The following PRKCA variants were observed in gnomAD, a reference collection of about 807,000 sequenced individuals.
PRKCA encodes the protein protein kinase C alpha, also known as protein kinase C alpha type.
PRKCA carries 27 observed loss-of-function variants against 87.0 expected under a neutral mutation model. The ratio of observed to expected loss-of-function variants is 0.31; its 90% confidence interval spans 0.23 to 0.43. The LOEUF (loss-of-function observed/expected upper bound fraction) is 0.43, where lower values mean the gene tolerates loss of function less well. Ranked by LOEUF, PRKCA falls within the 20% of genes least tolerant of loss-of-function variation. PRKCA has a pLI of 1.00. For synonymous variants in PRKCA, 329 were observed against 311.1 expected, an observed-to-expected ratio of 1.06 and a Z score of -0.61; for missense variants, 518 against 852.3, an observed-to-expected ratio of 0.61 and a Z score of 4.88.
At chr17:66,405,527 G>A (rs1659098551) in intron 2 of PRKCA, among the ~76,000 whole-genome samples, 1 of 152,060 alleles carries the variant, frequency 6.6e-6, no homozygotes, top group Non-Finnish European at 1.5e-5. Flanking sequence ...GTTTTCTGTT[G>A]CTGCATATTC....
At chr17:66,364,416 A>T (rs572890643) in intron 2 of PRKCA, 1 of 152,218 alleles carries the variant, frequency 6.6e-6, no homozygotes, top group African/African-American at 2.4e-5. Flanking sequence ...CCAGAGGCAT[A>T]AAACCAAAGG....
At chr17:66,642,535 T>G (rs1194355085) in intron 4 of PRKCA, among the ~76,000 whole-genome samples, 2 of 152,214 alleles carry the variant, frequency 1.3e-5, no homozygotes, top group African/African-American at 4.8e-5. Context: ...GTTTTTCTAA[T>G]AGATCGGGAA....
chr17:66,408,780 G>A (rs575986441), intron 2 of PRKCA, among the ~76,000 whole-genome samples: 4 of 152,164 alleles, frequency 2.6e-5, no homozygotes, highest in Non-Finnish European at 4.4e-5. Context: ...TCGGCCGGGC[G>A]CGGTGGCTTG....
chr17:66,430,399 G>GGCA (rs1913039825), intron 2 of PRKCA, among the ~76,000 whole-genome samples: 1 of 151,714 alleles, frequency 6.6e-6, no homozygotes, highest in Admixed American at 6.6e-5. Flanking sequence ...GCCAGTATCT[G>GGCA]GAGTCATGGC....
intron 2 of PRKCA, among the ~76,000 whole-genome samples, chr17:66,435,747 C>CT (rs1438345538): frequency 6.6e-6 from 1 of 152,072 alleles, no homozygotes; most frequent in Admixed American, 6.6e-5. Flanking sequence ...GCATGGAGGA[C>CT]TTTTTGGGGG....
chr17:66,319,767 A>C (rs1905539298), intron 2 of PRKCA, among the ~76,000 whole-genome samples: 2 of 151,736 alleles, frequency 1.3e-5, no homozygotes, highest in African/African-American at 4.8e-5. Context: ...TTTGAGACAG[A>C]GTCTTGCTCT....
chr17:66,512,457 AGTGTGTGT>A (rs71160573), intron 3 of PRKCA, among the ~76,000 whole-genome samples: 34,983 of 144,304 alleles, frequency 0.24, 4,733 homozygotes, highest in Non-Finnish European at 0.31. Flanking sequence ...CAACAAAAAA[AGTGTGTGT>A]GTGTGTGTGT....
intron 2 of PRKCA, among the ~76,000 whole-genome samples, chr17:66,344,132 G>A (rs1325534048): frequency 6.6e-6 from 1 of 152,068 alleles, no homozygotes; most frequent in Non-Finnish European, 1.5e-5. Flanking sequence ...ATTGTCATAG[G>A]CTCGTAAAGC....
intron 8 of PRKCA, among the ~76,000 whole-genome samples, chr17:66,718,764 T>C (rs776257521): frequency 2.0e-5 from 3 of 152,200 alleles, no homozygotes; most frequent in Non-Finnish European, 2.9e-5. Context: ...GGGAGACACA[T>C]TCAAACCATA....
intron 3 of PRKCA, among the ~76,000 whole-genome samples, chr17:66,504,971 C>T (rs912427900): frequency 2.0e-5 from 3 of 152,138 alleles, no homozygotes; most frequent in African/African-American, 4.8e-5. Context: ...TCTGAGGAAG[C>T]CCGAGTCCAT....
At chr17:66,563,952 TTCC>T (rs1968794880) in intron 3 of PRKCA, among the ~76,000 whole-genome samples, 1 of 8,072 alleles carries the variant, frequency 1.2e-4, no homozygotes, top group South Asian at 6.0e-3. Flanking sequence ...TGTTTCTTCT[TTCC>T]TTCCTTCCTT....
chr17:66,621,407 G>C (rs539047057), intron 3 of PRKCA, among the ~76,000 whole-genome samples: 1 of 151,992 alleles, frequency 6.6e-6, no homozygotes, highest in East Asian at 1.9e-4. Context: ...CTATTTCCTC[G>C]TATTCTTTGT....
chr17:66,647,735 C>G (rs572242698), intron 5 of PRKCA, among the ~76,000 whole-genome samples: 1 of 152,192 alleles, frequency 6.6e-6, no homozygotes, highest in Admixed American at 6.5e-5. Context: ...AAAAGTTGAA[C>G]TTGACTCACA....
intron 3 of PRKCA, among the ~76,000 whole-genome samples, chr17:66,617,722 G>GACC (rs1305035031): frequency 9.9e-5 from 15 of 152,122 alleles, no homozygotes; most frequent in African/African-American, 3.6e-4. Flanking sequence ...ACTGCTTGAT[G>GACC]ACCACCAGGC....
chr17:66,373,812 G>A (rs909985031), intron 2 of PRKCA, among the ~76,000 whole-genome samples: 21 of 152,146 alleles, frequency 1.4e-4, no homozygotes, highest in African/African-American at 5.1e-4. Flanking sequence ...TTACCTCTGC[G>A]TTTGTAACAT....
At chr17:66,751,359 G>A (rs1047748655) in intron 13 of PRKCA, among the ~76,000 whole-genome samples, 3 of 152,182 alleles carry the variant, frequency 2.0e-5, no homozygotes, top group Admixed American at 2.0e-4. Flanking sequence ...CATGGCAGGG[G>A]CAGAATGCTG....
intron 1 of PRKCA, among the ~76,000 whole-genome samples, chr17:66,303,409 C>G (rs2143084677): frequency 6.6e-6 from 1 of 152,238 alleles, no homozygotes; most frequent in South Asian, 2.1e-4. Context: ...GCAAAGGTTC[C>G]CGGAGAAACG....
chr17:66,540,993 C>G (rs146915722), intron 3 of PRKCA, among the ~76,000 whole-genome samples: 11 of 152,186 alleles, frequency 7.2e-5, no homozygotes, highest in African/African-American at 2.7e-4. Context: ...TTGGTAGAAC[C>G]CTACAGAGGT....
At chr17:66,625,932 T>C (rs1429234172) in intron 3 of PRKCA, among the ~76,000 whole-genome samples, 2 of 152,222 alleles carry the variant, frequency 1.3e-5, no homozygotes, top group Admixed American at 1.3e-4. Context: ...TATCACAAGA[T>C]AAAAGGAAAT....
Sources: allele counts gnomAD v4.1 joint callset (sites outside exome capture counted in the v4.1 genomes callset), GRCh38; gene constraint gnomAD v4.1.1; transcripts MANE v1.5; gene names NCBI Gene and HGNC (gene_info 2026-07-23, HGNC 2026-07-21).